PSD3: variants seen among roughly 807,000 people sequenced by gnomAD.
PSD3 encodes the protein PH and SEC7 domain-containing protein 3.
Under a neutral mutation model 105.5 loss-of-function variants are expected in PSD3, and 49 were observed. That is an observed-to-expected ratio of 0.46 (90% CI 0.37 to 0.59). The LOEUF (loss-of-function observed/expected upper bound fraction) is 0.59. PSD3 is among the 20% of genes least tolerant of loss of function. The pLI, the probability that PSD3 is intolerant of heterozygous loss-of-function variation, is 0.00. For synonymous variants in PSD3, 557 were observed against 457.8 expected, an observed-to-expected ratio of 1.22 and a Z score of -2.77; for missense variants, 1,561 against 1,263.8, an observed-to-expected ratio of 1.24 and a Z score of -3.57.
chr8:19,078,848 T>C (rs927836288), intron 1 of PSD3, among the ~76,000 whole-genome samples: 28 of 151,208 alleles, frequency 1.9e-4, no homozygotes, highest in African/African-American at 6.8e-4. Flanking sequence ...AGCAAGCAGA[T>C]GGGCAGAAAG....
At chr8:19,003,239 G>A (rs932361909) in intron 1 of PSD3, among the ~76,000 whole-genome samples, 1 of 151,946 alleles carries the variant, frequency 6.6e-6, no homozygotes, top group African/African-American at 2.4e-5. Context: ...CAAGTACAAT[G>A]GCACCCCTGT....
At chr8:18,710,098 G>C (rs193247614) in intron 9 of PSD3, among the ~76,000 whole-genome samples, 22 of 152,228 alleles carry the variant, frequency 1.4e-4, no homozygotes, top group Middle Eastern at 3.4e-3. Flanking sequence ...AAACCATGAT[G>C]AAACACTACA....
intron 1 of PSD3, among the ~76,000 whole-genome samples, chr8:19,081,464 C>T (rs545592016): frequency 1.4e-4 from 22 of 152,342 alleles, no homozygotes; most frequent in Admixed American, 1.2e-3. Context: ...GGGCTGGGCC[C>T]AAGCTGCTTC....
intron 1 of PSD3, among the ~76,000 whole-genome samples, chr8:18,955,490 T>C (rs929113412): frequency 6.6e-6 from 1 of 152,220 alleles, no homozygotes; most frequent in Non-Finnish European, 1.5e-5. Context: ...TATAAAAGTT[T>C]ATGCATAACA....
chr8:18,573,264 G>T (rs1802260876), intron 13 of PSD3, among the ~76,000 whole-genome samples: 1 of 152,152 alleles, frequency 6.6e-6, no homozygotes, highest in South Asian at 2.1e-4. Flanking sequence ...GAGGTCAGGA[G>T]TTCAAGACCA....
At chr8:18,582,567 G>C (rs1802886892) in intron 12 of PSD3, among the ~76,000 whole-genome samples, 1 of 151,916 alleles carries the variant, frequency 6.6e-6, no homozygotes, top group Admixed American at 6.6e-5. Flanking sequence ...CCAATTTTTT[G>C]TTAATGACTG....
intron 4 of PSD3, among the ~76,000 whole-genome samples, chr8:18,840,518 G>A (rs964268426): frequency 2.0e-5 from 3 of 152,212 alleles, no homozygotes; most frequent in Admixed American, 6.5e-5. Context: ...AAGCACTTCC[G>A]ATATTCCAGG....
intron 3 of PSD3, among the ~76,000 whole-genome samples, chr8:18,870,775 T>C (rs1817284315): frequency 1.3e-5 from 2 of 151,878 alleles, no homozygotes; most frequent in African/African-American, 4.8e-5. Flanking sequence ...AATTATAAAA[T>C]CTACTTCTGA....
rs542293034 is a variant in PSD3, at chr8:18,867,581, A to C, written c.1634+93T>G. 7 of 1,459,050 alleles carry C rather than the reference A, an allele frequency of 4.8e-6. No homozygotes were observed. The Admixed American group carries it at 7.2e-5, about 15-fold the overall frequency. The allele number at this position is 1,459,050 out of a possible 1,614,324, so 90.4% of individuals were successfully genotyped here. ...TGCTTATGTCCACAGAAATTGGCCA[A>C]ATGATTTAAATATATATTCCACACT... On this transcript the variant is annotated intron_variant, in intron 4 of 15. Transcript: ENST00000327040.
rs1238495794 is a variant in PSD3 at position 18,998,328 on chromosome 8, G to C, written c.21+15235C>G. 5.3e-5 allele frequency among the ~76,000 whole-genome samples: 8 copies of C among 151,992 alleles called. No homozygotes were observed. The East Asian group carries it at 1.5e-3, about 29-fold the overall frequency. ...AGCTCTCTTAACTGAGAGATGCCCT[G>C]AAACACTCCAAGGGTGCTAGGCTTT... is the stretch of plus-strand genomic sequence containing the variant. On this transcript the variant is annotated intron_variant, in intron 1 of 15. Transcript: ENST00000327040.
chr8:18,792,658 T>C (rs984872065), intron 8 of PSD3, among the ~76,000 whole-genome samples: 8 of 152,068 alleles, frequency 5.3e-5, no homozygotes, highest in Non-Finnish European at 8.8e-5. Flanking sequence ...ATGGTGATCA[T>C]TAAAAAGTCA....
intron 1 of PSD3, among the ~76,000 whole-genome samples, chr8:19,043,881 G>A (rs1048585098): frequency 6.6e-6 from 1 of 152,180 alleles, no homozygotes; most frequent in Non-Finnish European, 1.5e-5. Flanking sequence ...TGTTATAGCA[G>A]CACAAAATAG....
intron 1 of PSD3, among the ~76,000 whole-genome samples, chr8:19,038,235 T>C (rs931550244): frequency 6.6e-6 from 1 of 152,162 alleles, no homozygotes; most frequent in Non-Finnish European, 1.5e-5. Context: ...CATGTCTCTT[T>C]ATCAAACTTT....
At chr8:19,083,434 G>C (rs889374073) in intron 1 of PSD3, among the ~76,000 whole-genome samples, 3 of 152,198 alleles carry the variant, frequency 2.0e-5, no homozygotes, top group African/African-American at 7.2e-5. Flanking sequence ...CGTAGAGCTG[G>C]AAACAGGAGC....
chr8:18,757,453 G>A (rs114693409), intron 9 of PSD3, among the ~76,000 whole-genome samples: 185 of 152,072 alleles, frequency 1.2e-3, no homozygotes, highest in African/African-American at 4.4e-3. Context: ...AACAAGGCAA[G>A]ACTCCGTTGC....
chr8:18,547,814 T>C (rs773332037), intron 15 of PSD3, among the ~76,000 whole-genome samples: 5 of 152,218 alleles, frequency 3.3e-5, no homozygotes, highest in Admixed American at 6.5e-5. Flanking sequence ...TTGAGATTCA[T>C]GTACCTGGAT....
At chr8:18,616,538 T>G (rs1169801434) in intron 11 of PSD3, among the ~76,000 whole-genome samples, 1 of 152,172 alleles carries the variant, frequency 6.6e-6, no homozygotes, top group Non-Finnish European at 1.5e-5. Flanking sequence ...GCTCTCATCA[T>G]GCCTAGGTTT....
chr8:19,033,635 C>G (rs1448322653), intron 1 of PSD3, among the ~76,000 whole-genome samples: 1 of 151,224 alleles, frequency 6.6e-6, no homozygotes. Flanking sequence ...TTCTCATTCC[C>G]TTTTCCCTTG....
intron 15 of PSD3, among the ~76,000 whole-genome samples, chr8:18,546,649 G>A (rs1474656471): frequency 2.0e-5 from 3 of 152,092 alleles, no homozygotes; most frequent in African/African-American, 7.2e-5. Context: ...GAATATTTAA[G>A]ATCTATTATC....
Sources: allele counts gnomAD v4.1 joint callset (sites outside exome capture counted in the v4.1 genomes callset), GRCh38; gene constraint gnomAD v4.1.1; transcripts MANE v1.5; gene names NCBI Gene and HGNC (gene_info 2026-07-23, HGNC 2026-07-21).